CEP104: variants seen among roughly 807,000 people sequenced by gnomAD.
CEP104 encodes the protein centrosomal protein of 104 kDa.
A neutral mutation model predicts 113.3 loss-of-function variants in CEP104; 84 were observed. The ratio of observed to expected loss-of-function variants is 0.74; its 90% CI spans 0.62 to 0.89. CEP104 has a LOEUF of 0.89. Ranked by LOEUF, CEP104 falls within the 40% of genes least tolerant of loss-of-function variation. The pLI is 0.00. For synonymous variants in CEP104, 378 were observed against 421.7 expected, an observed-to-expected ratio of 0.90 and a Z score of 1.27; for missense variants, 1,053 against 1,156.6, an observed-to-expected ratio of 0.91 and a Z score of 1.30.
intron 21 of CEP104, chr1:3,816,005 T>C (rs1462892218): frequency 1.2e-5 from 5 of 407,700 alleles, no homozygotes; most frequent in African/African-American, 8.3e-5. Context: ...GAGTCAGTGA[T>C]GTAGAAAGAG....
chr1:3,828,098 C>T (rs955945972), intron 15 of CEP104, among the ~76,000 whole-genome samples: 2 of 152,160 alleles, frequency 1.3e-5, no homozygotes, highest in African/African-American at 2.4e-5. Flanking sequence ...AGCTCCTGGG[C>T]GGCTGCTGCT....
chr1:3,841,952 T>G (rs934974350), intron 6 of CEP104, among the ~76,000 whole-genome samples: 11 of 152,244 alleles, frequency 7.2e-5, no homozygotes, highest in Admixed American at 7.2e-4. Context: ...AGGAGGGAGG[T>G]AGCCATCCAC....
At chr1:3,845,875 G>T (rs949553198) in intron 4 of CEP104, among the ~76,000 whole-genome samples, 1 of 152,136 alleles carries the variant, frequency 6.6e-6, no homozygotes, top group Admixed American at 6.5e-5. Flanking sequence ...ATCACCTGAA[G>T]TCGGGAGTTT....
At chr1:3,851,658 G>A (rs1171294351) in intron 2 of CEP104, among the ~76,000 whole-genome samples, 1 of 152,150 alleles carries the variant, frequency 6.6e-6, no homozygotes, top group Non-Finnish European at 1.5e-5. Context: ...CTCATCTAAT[G>A]AACATTTGTT....
At chr1:3,853,801 AG>A (rs1644660909) in intron 1 of CEP104, among the ~76,000 whole-genome samples, 1 of 65,160 alleles carries the variant, frequency 1.5e-5, no homozygotes, top group Middle Eastern at 6.9e-3. Context: ...AAAGCCCCCC[AG>A]AACAGGATGA....
At position 3,813,475 on chromosome 1, in the gene CEP104, C is replaced by T. The variant is rs1643827031; in HGVS notation, c.*1927G>A. On this transcript the variant is annotated 3_prime_UTR_variant, in exon 22 of 22. Coordinates refer to ENST00000378230, the MANE Select transcript of CEP104 (RefSeq NM_014704.4). ...GGCCAGGCTGGTCTCGAACTCCTGACCTCAGGTGGTCCGCCCGCCTCGGCC... is the reference window on the plus strand; with the variant it reads ...GGCCAGGCTGGTCTCGAACTCCTGATCTCAGGTGGTCCGCCCGCCTCGGCC... 6.7e-6 allele frequency: 1 copy of T among 148,560 alleles called. No individual in the cohort carries two copies. Among genetic ancestry groups the T allele is most frequent in the South Asian group, 2.2e-4 (1 of 4,570 alleles). 9.2% of individuals were successfully genotyped at this position (148,560 alleles called of 1,614,324 possible). A position where few individuals can be genotyped will look rare whatever the true frequency, so the allele number is the denominator to read the frequency against.
At chr1:3,824,579 A>G (rs1163372164) in intron 18 of CEP104, among the ~76,000 whole-genome samples, 1 of 152,214 alleles carries the variant, frequency 6.6e-6, no homozygotes, top group Non-Finnish European at 1.5e-5. Context: ...GATGGTCACA[A>G]TTCATGCGAC....
intron 6 of CEP104, 101 bp from the exon 7 acceptor site, chr1:3,839,877 T>C (rs757661622): frequency 2.9e-5 from 27 of 931,458 alleles, no homozygotes; most frequent in Non-Finnish European, 4.4e-5. Context: ...TCCTGCCCCA[T>C]CATGGTTCAC....
chr1:3,816,261 C>A lies in CEP104; in HGVS notation c.2662+19G>T, dbSNP rs1471379133. 1.3e-6 allele frequency: 2 copies of A among 1,546,922 alleles called. No individual in the cohort carries two copies. Among genetic ancestry groups the A allele is most frequent in the Middle Eastern group, 1.7e-4 (1 of 5,854 alleles). ...TGGAGGGATGCAGACTACACCTGCT[C>A]AGCGGCGCTGTCCCTCACCTGGCTG... On this transcript the variant is annotated intron_variant, in intron 21 of 21. Coordinates refer to ENST00000378230, the MANE Select transcript of CEP104 (RefSeq NM_014704.4).
chr1:3,816,152 G>A, intron 21 of CEP104, 128 bp downstream of exon 21: 1 of 742,956 alleles, frequency 1.3e-6, no homozygotes, highest in Non-Finnish European at 2.1e-6. Flanking sequence ...ATGAAGACAG[G>A]CTTGGATGCT....
intron 6 of CEP104, 131 bp downstream of exon 6, chr1:3,844,776 C>T (rs1644476874): frequency 1.7e-6 from 1 of 582,708 alleles, no homozygotes; most frequent in East Asian, 2.8e-5. Context: ...TTCAGACAAT[C>T]CAATCAGTGG....
At chr1:3,832,050 C>A (rs139152033) in intron 12 of CEP104, among the ~76,000 whole-genome samples, 647 of 152,332 alleles carry the variant, frequency 4.2e-3, no homozygotes, top group African/African-American at 0.015. Flanking sequence ...CGATAGATTG[C>A]CTTAAGGTTG....
chr1:3,848,845 A>G, intron 2 of CEP104, 64 bp from the exon 3 acceptor site: 1 of 1,381,792 alleles, frequency 7.2e-7, no homozygotes. Flanking sequence ...AGATGCTAGC[A>G]TCTCATTCTT....
intron 20 of CEP104, among the ~76,000 whole-genome samples, chr1:3,816,969 C>T (rs139273819): frequency 5.9e-5 from 9 of 152,348 alleles, no homozygotes; most frequent in South Asian, 4.1e-4. Context: ...GATATAAACG[C>T]GGGATCGCTG....
intron 20 of CEP104, 129 bp from the exon 21 acceptor site, chr1:3,816,499 C>T (rs142962330): frequency 1.6e-4 from 106 of 657,318 alleles, no homozygotes; most frequent in African/African-American, 1.4e-3. Flanking sequence ...CGCAGAAGAA[C>T]GGCTCCCTCA....
chr1:3,855,812 T>C, intron 1 of CEP104: 2 of 766,108 alleles, frequency 2.6e-6, no homozygotes, highest in Non-Finnish European at 3.2e-6. Context: ...AAAATCACCA[T>C]TAACAATTTG....
intron 3 of CEP104, 43 bp from the exon 4 acceptor site, chr1:3,847,656 T>C: frequency 6.2e-7 from 1 of 1,603,300 alleles, no homozygotes; most frequent in Non-Finnish European, 8.5e-7. Context: ...AATGTGCTGT[T>C]CAATAAAACT....
chr1:3,825,202 C>T (rs1038006572), intron 18 of CEP104, among the ~76,000 whole-genome samples: 1 of 152,026 alleles, frequency 6.6e-6, no homozygotes, highest in Non-Finnish European at 1.5e-5. Context: ...GGTGCCCAGG[C>T]ACAACCCCTT....
rs1301287624 is a variant in CEP104 at position 3,839,121 on chromosome 1, T to A, written c.736-2A>T. 4 of 1,613,424 alleles carry A rather than the reference T, an allele frequency of 2.5e-6. No homozygotes were observed. Among genetic ancestry groups the A allele is most frequent in the Non-Finnish European group, 2.5e-6 (3 of 1,179,548 alleles). On this transcript the variant is annotated splice_acceptor_variant, in intron 7 of 21. Coordinates refer to ENST00000378230, the MANE Select transcript of CEP104 (RefSeq NM_014704.4). LOFTEE classifies it high-confidence loss of function. ...ATACCTCCCAAGGCGTTCACCAACCTGAAGCACAAAATATTTGCTTTTTCT... is the reference window on the plus strand; with the variant it reads ...ATACCTCCCAAGGCGTTCACCAACCAGAAGCACAAAATATTTGCTTTTTCT...
Sources: allele counts gnomAD v4.1 joint callset (sites outside exome capture counted in the v4.1 genomes callset), GRCh38; gene constraint gnomAD v4.1.1; transcripts MANE v1.5; gene names NCBI Gene and HGNC (gene_info 2026-07-23, HGNC 2026-07-21).